Variants in FSTL5 observed in about 807,000 individuals in gnomAD.
FSTL5 encodes the protein follistatin like 5, also known as follistatin-related protein 5.
Under a neutral mutation model 89.1 loss-of-function variants are expected in FSTL5, and 62 were observed. The observed-to-expected ratio is 0.70, with a 90% CI of 0.57 to 0.86. FSTL5 has a LOEUF of 0.86. FSTL5 is among the 40% of genes least tolerant of loss of function. The probability of loss-of-function intolerance (pLI) is 0.00; values close to 1 mark genes in which losing one functional copy is unlikely to be tolerated. For synonymous variants in FSTL5, 383 were observed against 346.2 expected (o/e 1.11, Z -1.18); for missense variants, 1,057 against 1,001.6 (o/e 1.06, Z -0.75).
intron 3 of FSTL5, among the ~76,000 whole-genome samples, chr4:161,984,158 A>G (rs1438302609): frequency 6.6e-6 from 1 of 152,022 alleles, no homozygotes; most frequent in African/African-American, 2.4e-5. Context: ...CTTTCATTTT[A>G]TATTTCATGT....
At chr4:162,086,798 C>G (rs1000570699) in intron 2 of FSTL5, among the ~76,000 whole-genome samples, 1 of 151,798 alleles carries the variant, frequency 6.6e-6, no homozygotes, top group Non-Finnish European at 1.5e-5. Flanking sequence ...AAAATAATAA[C>G]AAAATTTTAG....
In FSTL5 at chr4:161,455,133, A is replaced by G. The variant is rs778657199; in HGVS notation, c.1717-5T>C. On this transcript the variant is annotated splice_polypyrimidine_tract_variant and splice_region_variant and intron_variant, in intron 14 of 15. Coordinates refer to ENST00000306100, the MANE Select transcript of FSTL5 (RefSeq NM_020116.5). The stretch of plus-strand genomic sequence containing the variant: ...CCCACTGGCCAGGGTAATTACCTAA[A>G]GAGAACACACCTTGGTTAGACCTCA... 4 of 1,599,656 alleles carry G rather than the reference A, an allele frequency of 2.5e-6. No individual in the cohort carries two copies. In the Admixed American group the frequency reaches 5.3e-5, roughly 21 times the overall value.
intron 3 of FSTL5, among the ~76,000 whole-genome samples, chr4:162,004,141 A>C (rs752814899): frequency 5.9e-5 from 9 of 152,230 alleles, no homozygotes; most frequent in African/African-American, 7.2e-5. Flanking sequence ...CCAGGTATTA[A>C]ATTTCCCTAT....
At chr4:161,894,747 G>C (rs908923324) in intron 4 of FSTL5, among the ~76,000 whole-genome samples, 1 of 152,190 alleles carries the variant, frequency 6.6e-6, no homozygotes, top group Non-Finnish European at 1.5e-5. Flanking sequence ...TTACAGGCAT[G>C]AGCCGTCATG....
chr4:162,103,689 C>T (rs1302781753), intron 2 of FSTL5, among the ~76,000 whole-genome samples: 1 of 152,174 alleles, frequency 6.6e-6, no homozygotes, highest in Non-Finnish European at 1.5e-5. Context: ...GAAATGACCA[C>T]TTACTGTCCC....
At chr4:161,680,909 T>C (rs1005198085) in intron 6 of FSTL5, among the ~76,000 whole-genome samples, 59 of 152,174 alleles carry the variant, frequency 3.9e-4, no homozygotes, top group African/African-American at 1.4e-3. Flanking sequence ...TATTCTTTAC[T>C]GTTTGTAAGT....
chr4:161,773,830 C>G (rs1741297036), intron 5 of FSTL5, among the ~76,000 whole-genome samples: 1 of 152,250 alleles, frequency 6.6e-6, no homozygotes, highest in South Asian at 2.1e-4. Context: ...CTAGCAATCC[C>G]ACTACTGGGT....
At chr4:162,118,374 C>T (rs1731729732) in intron 1 of FSTL5, among the ~76,000 whole-genome samples, 1 of 152,214 alleles carries the variant, frequency 6.6e-6, no homozygotes, top group Non-Finnish European at 1.5e-5. Context: ...CATTCTCCTG[C>T]CTCTGCCTCC....
chr4:162,064,113 C>T (rs1186231657), intron 2 of FSTL5, among the ~76,000 whole-genome samples: 2 of 151,862 alleles, frequency 1.3e-5, no homozygotes, highest in African/African-American at 2.4e-5. Flanking sequence ...TTCTCTTGGT[C>T]TCCCCGAATA....
intron 15 of FSTL5, among the ~76,000 whole-genome samples, chr4:161,438,510 TA>T (rs1185143405): frequency 2.6e-5 from 4 of 152,132 alleles, no homozygotes; most frequent in Admixed American, 6.6e-5. Context: ...TGCTGATGAT[TA>T]AAAAAAGCTG....
At chr4:161,920,017 A>G (rs1733948015) in intron 4 of FSTL5, among the ~76,000 whole-genome samples, 2 of 152,176 alleles carry the variant, frequency 1.3e-5, no homozygotes, top group Non-Finnish European at 2.9e-5. Flanking sequence ...TCAGGAAGGA[A>G]TGAAATGTTA....
At chr4:161,662,694 A>G (rs28680761) in intron 6 of FSTL5, among the ~76,000 whole-genome samples, 1,983 of 152,294 alleles carry the variant, frequency 0.013, 33 homozygotes, top group African/African-American at 0.044. Flanking sequence ...ATATTTGAAC[A>G]AATAGCAGCT....
At chr4:162,059,492 G>T (rs1738653208) in intron 2 of FSTL5, among the ~76,000 whole-genome samples, 1 of 152,064 alleles carries the variant, frequency 6.6e-6, no homozygotes, top group African/African-American at 2.4e-5. Flanking sequence ...GAAGAAAATT[G>T]AAATAAATAT....
In FSTL5 at chr4:161,656,460, T is replaced by C; in HGVS notation, c.762A>G (p.Lys254=). 1 of 1,600,000 alleles carries C rather than the reference T, an allele frequency of 6.3e-7. No homozygotes were observed. The highest frequency in any genetic ancestry group is 8.5e-7 in the Non-Finnish European group (1 of 1,174,000). The change falls in exon 7 of 16, where the codon AAA becomes AAG. Residue 254 remains lysine, a synonymous_variant. Transcript: ENST00000306100. The stretch of plus-strand genomic sequence containing the variant: ...CCACAGTTGCTGCAGTGATGCTTAG[T>C]TTCTGATCTTCTGGCAGACTCAACT... ...VIQLSLPEDQ[K]LSITAATVGQ...
At chr4:161,459,416 A>G (rs1733482155) in intron 13 of FSTL5, 97 bp from the exon 14 acceptor site, 1 of 689,056 alleles carries the variant, frequency 1.5e-6, no homozygotes, top group Non-Finnish European at 2.4e-6. Context: ...ATGTCAGATT[A>G]AAAATTTAAT....
At chr4:162,156,490 C>T (rs145336219) in intron 1 of FSTL5, among the ~76,000 whole-genome samples, 1 of 152,242 alleles carries the variant, frequency 6.6e-6, no homozygotes, top group African/African-American at 2.4e-5. Context: ...ATGGATTCAA[C>T]CTAGGTGTTT....
chr4:161,812,198 TA>T (rs1489487892), intron 4 of FSTL5, among the ~76,000 whole-genome samples: 2 of 152,218 alleles, frequency 1.3e-5, no homozygotes, highest in Admixed American at 1.3e-4. Context: ...ATGTTTCATT[TA>T]AAAAATAGTT....
chr4:162,139,944 A>C (rs1732661725), intron 1 of FSTL5, among the ~76,000 whole-genome samples: 1 of 152,140 alleles, frequency 6.6e-6, no homozygotes, highest in African/African-American at 2.4e-5. Flanking sequence ...TGAGATCAAA[A>C]AGCTCCATGA....
intron 1 of FSTL5, among the ~76,000 whole-genome samples, chr4:162,116,486 C>T (rs1240899481): frequency 6.6e-6 from 1 of 152,152 alleles, no homozygotes; most frequent in East Asian, 1.9e-4. Flanking sequence ...ATGCAAGACC[C>T]CAGAGAAGTC....
Sources: gnomAD v4.1 joint callset for allele counts (sites outside exome capture counted in the v4.1 genomes callset) on GRCh38, gnomAD v4.1.1 for gene constraint, MANE v1.5 for transcripts, NCBI Gene and HGNC (gene_info 2026-07-23, HGNC 2026-07-21) for gene names.